Variants in CSMD1 observed in about 807,000 individuals in gnomAD.
CSMD1 encodes the protein CUB and Sushi multiple domains 1.
In CSMD1, 213 loss-of-function variants were observed where a neutral mutation model predicts 417.5. That is an observed-to-expected ratio of 0.51 (90% CI 0.46 to 0.57). CSMD1 has a LOEUF of 0.57. CSMD1 is among the 20% of genes least tolerant of loss of function. CSMD1 has a pLI of 0.00. For synonymous variants in CSMD1, 2,862 were observed against 1,736.8 expected (o/e 1.65, Z -16.11); for missense variants, 6,923 against 4,529.7 (o/e 1.53, Z -15.17).
intron 5 of CSMD1, among the ~76,000 whole-genome samples, chr8:3,789,961 G>A (rs889649083): frequency 1.5e-4 from 23 of 152,014 alleles, no homozygotes; most frequent in Non-Finnish European, 2.9e-4. Context: ...TCGATCTCCT[G>A]ACCTTGTGAT....
intron 3 of CSMD1, among the ~76,000 whole-genome samples, chr8:4,335,946 C>T (rs1009567871): frequency 5.3e-5 from 8 of 152,090 alleles, no homozygotes; most frequent in Non-Finnish European, 2.9e-5. Flanking sequence ...GGAGGATAAG[C>T]ACAGGGAGGC....
intron 5 of CSMD1, among the ~76,000 whole-genome samples, chr8:3,887,528 T>C (rs1029716127): frequency 5.3e-5 from 8 of 152,222 alleles, no homozygotes; most frequent in Non-Finnish European, 1.2e-4. Context: ...TAAACATGAA[T>C]GTCCAGACCT....
At chr8:4,273,445 C>G (rs1356350753) in intron 3 of CSMD1, among the ~76,000 whole-genome samples, 2 of 152,022 alleles carry the variant, frequency 1.3e-5, no homozygotes, top group African/African-American at 4.8e-5. Context: ...ATCTTCAACT[C>G]TGGGGTTTCA....
intron 1 of CSMD1, among the ~76,000 whole-genome samples, chr8:4,935,178 G>C (rs531605286): frequency 1.4e-4 from 22 of 152,292 alleles, no homozygotes; most frequent in Middle Eastern, 3.4e-3. Context: ...CCCCAGATGG[G>C]CCATGCTGTT....
intron 3 of CSMD1, among the ~76,000 whole-genome samples, chr8:4,049,945 C>A (rs1037722839): frequency 6.6e-6 from 1 of 152,150 alleles, no homozygotes. Context: ...GTTTACGTGC[C>A]GTTCCTCTTT....
chr8:3,628,414 A>T (rs961395405), intron 7 of CSMD1, among the ~76,000 whole-genome samples: 1 of 152,222 alleles, frequency 6.6e-6, no homozygotes, highest in African/African-American at 2.4e-5. Context: ...CTTGGCCCAA[A>T]TAGGGCAAGG....
chr8:3,383,522 C>T (rs959618892), intron 18 of CSMD1, among the ~76,000 whole-genome samples: 1 of 152,116 alleles, frequency 6.6e-6, no homozygotes, highest in Non-Finnish European at 1.5e-5. Flanking sequence ...TGGAGGGAAG[C>T]CTTCTTCCAC....
intron 2 of CSMD1, among the ~76,000 whole-genome samples, chr8:4,514,366 A>C (rs1295599700): frequency 6.6e-6 from 1 of 152,168 alleles, no homozygotes; most frequent in Non-Finnish European, 1.5e-5. Flanking sequence ...CAGAAGTAAA[A>C]TACCTGAATT....
chr8:4,404,740 T>G (rs1804890020), intron 3 of CSMD1, among the ~76,000 whole-genome samples: 1 of 152,072 alleles, frequency 6.6e-6, no homozygotes, highest in Admixed American at 6.6e-5. Context: ...TGTTTAAATT[T>G]ATTTGGATGG....
chr8:4,385,406 G>T (rs901844199), intron 3 of CSMD1, among the ~76,000 whole-genome samples: 1 of 152,294 alleles, frequency 6.6e-6, no homozygotes, highest in South Asian at 2.1e-4. Flanking sequence ...GCAAATGCAT[G>T]CACTTGCTAC....
At chr8:4,093,202 T>G (rs1189372702) in intron 3 of CSMD1, among the ~76,000 whole-genome samples, 12 of 152,232 alleles carry the variant, frequency 7.9e-5, no homozygotes, top group African/African-American at 2.2e-4. Flanking sequence ...AGTTTCACAT[T>G]ATGTAAATAA....
intron 3 of CSMD1, among the ~76,000 whole-genome samples, chr8:4,307,453 G>C (rs11784834): frequency 6.6e-6 from 1 of 152,008 alleles, no homozygotes; most frequent in Admixed American, 6.6e-5. Context: ...ACTTCTGAAA[G>C]CCCATGTTAC....
intron 12 of CSMD1, among the ~76,000 whole-genome samples, chr8:3,464,153 G>T (rs1318900993): frequency 2.0e-5 from 3 of 152,124 alleles, no homozygotes; most frequent in Non-Finnish European, 4.4e-5. Context: ...CAAATTACAT[G>T]AAACATGATT....
chr8:3,190,423 G>C (rs1001646150), intron 33 of CSMD1, among the ~76,000 whole-genome samples: 1 of 152,136 alleles, frequency 6.6e-6, no homozygotes, highest in African/African-American at 2.4e-5. Flanking sequence ...GGCATAAAAA[G>C]ACTCAGTGCC....
intron 37 of CSMD1, among the ~76,000 whole-genome samples, chr8:3,167,239 C>T (rs971328691): frequency 6.8e-5 from 10 of 146,570 alleles, no homozygotes; most frequent in East Asian, 4.2e-4. Flanking sequence ...GAGCCGAGAT[C>T]GCACACTGCA....
At chr8:4,592,512 G>A (rs1800042946) in intron 2 of CSMD1, among the ~76,000 whole-genome samples, 1 of 151,808 alleles carries the variant, frequency 6.6e-6, no homozygotes, top group Non-Finnish European at 1.5e-5. Context: ...TCAGCTTCCT[G>A]AGTAGCTAGA....
chr8:3,342,003 A>T (rs75388642), intron 23 of CSMD1, among the ~76,000 whole-genome samples: 1,729 of 152,298 alleles, frequency 0.011, 31 homozygotes, highest in African/African-American at 0.038. Flanking sequence ...TGAGAGGGAA[A>T]TCCTGGAAGG....
chr8:3,261,736 G>T (rs939349448), intron 26 of CSMD1, among the ~76,000 whole-genome samples: 1 of 152,116 alleles, frequency 6.6e-6, no homozygotes, highest in African/African-American at 2.4e-5. Context: ...ACTGAATGAA[G>T]AGGCCAGTCC....
intron 23 of CSMD1, among the ~76,000 whole-genome samples, chr8:3,309,513 G>C (rs993903037): frequency 6.6e-6 from 1 of 152,136 alleles, no homozygotes; most frequent in Non-Finnish European, 1.5e-5. Flanking sequence ...CTGCAGTACT[G>C]AGAGCTGTAT....
Sources: gnomAD v4.1 joint callset for allele counts (sites outside exome capture counted in the v4.1 genomes callset) on GRCh38, gnomAD v4.1.1 for gene constraint, MANE v1.5 for transcripts, NCBI Gene and HGNC (gene_info 2026-07-23, HGNC 2026-07-21) for gene names.